Variants in SPEF2 observed in about 807,000 individuals in gnomAD.
SPEF2 encodes the protein sperm flagellar and cilia associated 2, also known as sperm flagella and cilia-associated protein 2.
In SPEF2, 187 loss-of-function variants were observed where a neutral mutation model predicts 224.6. The observed-to-expected ratio is 0.83, with a 90% CI of 0.74 to 0.94. The LOEUF (loss-of-function observed/expected upper bound fraction) is 0.94. Ranked by LOEUF, SPEF2 falls within the 40% of genes least tolerant of loss-of-function variation. SPEF2 has a pLI of 0.00. For missense variants in SPEF2, 2,170 were observed against 2,135.6 expected, an observed-to-expected ratio of 1.02 and a Z score of -0.32; for synonymous variants, 715 against 707.3, an observed-to-expected ratio of 1.01 and a Z score of -0.17.
In SPEF2 at chr5:35,763,688, G is replaced by A; in HGVS notation, c.3787G>A (p.Ala1263Thr). ...GGACACCTGGCAGCAGGCTTCTTTA[G>A]CAGTATCTCACATGGTAAGCAGTGC... The part of the protein sequence containing the change: ...VMDTWQQASL[A>T]VSHMVAAEIH... Residue 1263 changes from alanine (A) to threonine (T), a missense_variant, in exon 26 of 37, where the codon GCA (alanine) becomes ACA (threonine). Physicochemically the swap from Ala to Thr is moderately conservative, Grantham distance 58. Coordinates refer to ENST00000356031, the MANE Select transcript of SPEF2 (RefSeq NM_024867.4). 1.2e-6 allele frequency: 2 copies of A among 1,611,090 alleles called. No homozygotes were observed. The highest frequency in any genetic ancestry group is 2.2e-5 in the East Asian group (1 of 44,860).
intron 13 of SPEF2, 100 bp from the exon 14 acceptor site, chr5:35,695,635 C>A: frequency 1.2e-6 from 1 of 826,526 alleles, no homozygotes; most frequent in African/African-American, 1.7e-5. Flanking sequence ...ATAGCTGGAT[C>A]TGATAACCCT....
intron 25 of SPEF2, among the ~76,000 whole-genome samples, chr5:35,762,915 AC>A (rs1053532439): frequency 1.3e-5 from 2 of 152,072 alleles, no homozygotes; most frequent in Non-Finnish European, 2.9e-5. Flanking sequence ...CAAAGAGAAA[AC>A]CTTTGTGGGG....
At chr5:35,648,128 A>T (rs1025960902) in intron 5 of SPEF2, among the ~76,000 whole-genome samples, 2 of 152,188 alleles carry the variant, frequency 1.3e-5, no homozygotes, top group South Asian at 4.1e-4. Context: ...CCCATTTCGT[A>T]GATGAGGAAA....
chr5:35,624,765 T>C (rs1744001530), intron 1 of SPEF2, among the ~76,000 whole-genome samples: 1 of 152,122 alleles, frequency 6.6e-6, no homozygotes. Flanking sequence ...GCATCCCGAG[T>C]AGCTGGGGCT....
rs1202873375 is a variant in SPEF2 at position 35,705,782 on chromosome 5, CTG to C, written c.2640_2641del (p.Glu881AsnfsTer7). The C allele has an allele frequency of 6.0e-6, 9 of 1,498,480 alleles. No homozygotes were observed. Among genetic ancestry groups the C allele is most frequent in the Non-Finnish European group, 8.1e-6 (9 of 1,106,472 alleles). 92.8% of individuals were successfully genotyped at this position (1,498,480 alleles called of 1,614,324 possible). ...GAAAAAGTAAAAGAAATTCTTACGA[CTG>C]AAATAGCAAAAAAAAAGAATAAAGG... On this transcript the variant is annotated frameshift_variant, in exon 18 of 37. Transcript: ENST00000356031. LOFTEE classifies it high-confidence loss of function.
chr5:35,775,126 G>A (rs529918630), intron 28 of SPEF2, among the ~76,000 whole-genome samples: 6 of 152,226 alleles, frequency 3.9e-5, no homozygotes, highest in Non-Finnish European at 8.8e-5. Flanking sequence ...CAGTCTCAAG[G>A]AAGAGAAATG....
chr5:35,807,521 G>T (rs183175074), intron 36 of SPEF2: 24 of 1,009,960 alleles, frequency 2.4e-5, no homozygotes, highest in Non-Finnish European at 3.5e-5. Context: ...GCCATGTAAT[G>T]ACCCTAGCCT....
At chr5:35,702,434 C>A (rs150772407) in intron 16 of SPEF2, 1 of 410,288 alleles carries the variant, frequency 2.4e-6, no homozygotes, top group East Asian at 7.1e-5. Flanking sequence ...TGACTGCCTC[C>A]GCTGTTTAGC....
chr5:35,792,185 T>C lies in SPEF2; in HGVS notation c.4448-155T>C, dbSNP rs1306118434. On this transcript the variant is annotated intron_variant, in intron 30 of 36. Transcript: ENST00000356031. ...GAGAGCATCAGGAAATTATAATTTT[T>C]ATATTTCCAAAATGTCTTCTGTTTC... 2.0e-5 allele frequency among the ~76,000 whole-genome samples: 3 copies of C among 152,260 alleles called. No individual in the cohort carries two copies. In the East Asian group the frequency reaches 5.8e-4, roughly 29 times the overall value.
chr5:35,811,090 T>TA (rs10679473), intron 36 of SPEF2, among the ~76,000 whole-genome samples: 70,948 of 147,968 alleles, frequency 0.48, 19,408 homozygotes, highest in East Asian at 0.73. Flanking sequence ...TCATTTTTGC[T>TA]AAAAAAAAAA....
intron 16 of SPEF2, among the ~76,000 whole-genome samples, chr5:35,703,774 T>C (rs1283033408): frequency 2.0e-5 from 3 of 152,196 alleles, no homozygotes. Flanking sequence ...TTTTAAAGCA[T>C]CATTCTGTAT....
intron 23 of SPEF2, among the ~76,000 whole-genome samples, chr5:35,742,056 T>C (rs1204044864): frequency 6.6e-6 from 1 of 152,248 alleles, no homozygotes; most frequent in African/African-American, 2.4e-5. Context: ...GTGGTTGTTT[T>C]TACAAAAATT....
At chr5:35,740,524 A>T (rs1747432433) in intron 23 of SPEF2, among the ~76,000 whole-genome samples, 1 of 152,120 alleles carries the variant, frequency 6.6e-6, no homozygotes, top group African/African-American at 2.4e-5. Flanking sequence ...TGTCTTGTAG[A>T]TTTCTAGTCC....
In SPEF2 at chr5:35,710,196, C is replaced by T. The variant is rs910546381; in HGVS notation, c.2839+1075C>T. On this transcript the variant is annotated intron_variant, in intron 19 of 36. Transcript: ENST00000356031. Reference sequence around the variant, plus strand: ...AACATACACCCTTTTCCCGCTGTCTCATTAGGAAATTAAAAAACAATTCAG... The same window carrying T: ...AACATACACCCTTTTCCCGCTGTCTTATTAGGAAATTAAAAAACAATTCAG... 24 of 984,736 alleles carry T rather than the reference C, an allele frequency of 2.4e-5. No individual in the cohort carries two copies. The African/African-American group carries it at 4.2e-4, about 17-fold the overall frequency. The allele number at this position is 984,736 out of a possible 1,614,324, so 61.0% of individuals were successfully genotyped here.
chr5:35,649,433 G>A lies in SPEF2; in HGVS notation c.791+8G>A, dbSNP rs1561131668. The stretch of plus-strand genomic sequence containing the variant: ...TCTCCAAGCAAAAGAAAGGTGAGAT[G>A]TGAGCTATTTTAAGAATTACAAAAC... On this transcript the variant is annotated splice_region_variant and intron_variant, in intron 6 of 36. Coordinates refer to ENST00000356031, the MANE Select transcript of SPEF2 (RefSeq NM_024867.4). 2 of 1,606,146 alleles carry A rather than the reference G, an allele frequency of 1.2e-6. No homozygotes were observed. Among genetic ancestry groups the A allele is most frequent in the Non-Finnish European group, 1.7e-6 (2 of 1,176,152 alleles).
chr5:35,789,244 C>A, intron 30 of SPEF2: 4 of 702,948 alleles, frequency 5.7e-6, no homozygotes, highest in Non-Finnish European at 1.0e-5. Context: ...TTAAATTTGC[C>A]CACTTCTTGT....
At chr5:35,656,543 A>G (rs967316587) in intron 7 of SPEF2, among the ~76,000 whole-genome samples, 5 of 152,332 alleles carry the variant, frequency 3.3e-5, no homozygotes, top group Admixed American at 6.5e-5. Context: ...AAGTTTCATT[A>G]CCTAGCAATG....
At chr5:35,666,689 G>C (rs776830077) in intron 8 of SPEF2, among the ~76,000 whole-genome samples, 1 of 152,158 alleles carries the variant, frequency 6.6e-6, no homozygotes, top group South Asian at 2.1e-4. Context: ...GGAGGTGGGA[G>C]GGAGGGGTCA....
chr5:35,661,570 T>C (rs536474232), intron 8 of SPEF2, among the ~76,000 whole-genome samples: 1 of 151,904 alleles, frequency 6.6e-6, no homozygotes, highest in Admixed American at 6.6e-5. Context: ...ATCCTCTCTC[T>C]CCTCCCACCC....
Sources: allele counts gnomAD v4.1 joint callset (sites outside exome capture counted in the v4.1 genomes callset), GRCh38; gene constraint gnomAD v4.1.1; transcripts MANE v1.5; gene names NCBI Gene and HGNC (gene_info 2026-07-23, HGNC 2026-07-21).